Variants in SERPINB11 observed in about 807,000 individuals in gnomAD.
SERPINB11 encodes the protein serpin B11.
SERPINB11 carries 32 observed loss-of-function variants against 36.7 expected under a neutral mutation model. The ratio of observed to expected loss-of-function variants is 0.87; its 90% CI spans 0.66 to 1.17. SERPINB11 has a LOEUF of 1.17. Among genes scored for constraint, SERPINB11 ranks in the 50% most tolerant of loss-of-function variants. SERPINB11 has a pLI of 0.00. For missense variants in SERPINB11, 528 were observed against 458.4 expected (o/e 1.15, Z -1.39); for synonymous variants, 174 against 168.1 (o/e 1.04, Z -0.27).
At chr18:63,711,559 A>G (rs1914527859) in intron 3 of SERPINB11, among the ~76,000 whole-genome samples, 165 bp downstream of exon 3, 1 of 152,204 alleles carries the variant, frequency 6.6e-6, no homozygotes, top group Non-Finnish European at 1.5e-5. Context: ...AGAGTTTAAT[A>G]TAATAATGAT....
At position 63,723,415 on chromosome 18, in the gene SERPINB11, C is replaced by A; in HGVS notation, c.*16C>A. On this transcript the variant is annotated 3_prime_UTR_variant, in exon 8 of 8. Coordinates refer to ENST00000544088, the MANE Select transcript of SERPINB11 (RefSeq NM_001370475.1). Reference sequence around the variant, plus strand: ...CTCTCCCTAATCAGATGGGGTTGAGCAAGGCTCAGAGTTGCAGATGAGGTG... The same window carrying A: ...CTCTCCCTAATCAGATGGGGTTGAGAAAGGCTCAGAGTTGCAGATGAGGTG... 1 of 1,579,640 alleles carries A rather than the reference C, an allele frequency of 6.3e-7. No homozygotes were observed. Among genetic ancestry groups the A allele is most frequent in the Non-Finnish European group, 8.6e-7 (1 of 1,160,848 alleles).
intron 1 of SERPINB11, among the ~76,000 whole-genome samples, chr18:63,704,521 G>A (rs1914321045): frequency 6.6e-6 from 1 of 152,188 alleles, no homozygotes; most frequent in Non-Finnish European, 1.5e-5. Flanking sequence ...TTGATATTTA[G>A]CATGTCTATT....
intron 4 of SERPINB11, among the ~76,000 whole-genome samples, chr18:63,714,119 G>T (rs527370823): frequency 7.9e-5 from 12 of 152,262 alleles, no homozygotes; most frequent in African/African-American, 2.9e-4. Context: ...TAAAGGGAAA[G>T]AGTACAACAG....
intron 1 of SERPINB11, among the ~76,000 whole-genome samples, chr18:63,707,906 T>C (rs1476745251): frequency 6.6e-6 from 1 of 152,154 alleles, no homozygotes; most frequent in Non-Finnish European, 1.5e-5. Context: ...GTATGTGCTA[T>C]GGTAATGGAA....
At position 63,723,530 on chromosome 18, in the gene SERPINB11, T is replaced by C. The variant is rs10460122; in HGVS notation, c.*131T>C. On this transcript the variant is annotated 3_prime_UTR_variant, in exon 8 of 8. Coordinates refer to ENST00000544088, the MANE Select transcript of SERPINB11 (RefSeq NM_001370475.1). Reference sequence around the variant, plus strand: ...TCAGTTTGCTCATCTGCAAAATAGGTCTAGGATTTCTTCCAACCATTTCAT... The same window carrying C: ...TCAGTTTGCTCATCTGCAAAATAGGCCTAGGATTTCTTCCAACCATTTCAT... 18 of 765,648 alleles carry C rather than the reference T, an allele frequency of 2.4e-5. No individual in the cohort carries two copies. The East Asian group carries it at 4.6e-4, about 20-fold the overall frequency. 47.4% of individuals were successfully genotyped at this position (765,648 alleles called of 1,614,324 possible). A position where few individuals can be genotyped will look rare whatever the true frequency, so the allele number is the denominator to read the frequency against.
Position 63,716,073 on chromosome 18 carries a change from G to T in SERPINB11, c.396G>T (p.Arg132Ser), listed in dbSNP as rs368482014. ...GTTCTGAGAAATGGTATCAAGCCAG[G>T]TTGCAAACTGTGGATTTTGAACAGT... ...LSCSEKWYQARLQTVDFEQST... is the reference protein window; with the variant it reads ...LSCSEKWYQASLQTVDFEQST... The change falls in exon 5 of 8, where the codon AGG becomes AGT. Residue 132 changes from arginine to serine, a missense_variant. Arg to Ser is a moderately radical substitution (Grantham distance 110, BLOSUM62 -1). Transcript: ENST00000544088. 1 of 1,612,050 alleles carries T rather than the reference G, an allele frequency of 6.2e-7. No homozygotes were observed. Among genetic ancestry groups the T allele is most frequent in the Non-Finnish European group, 8.5e-7 (1 of 1,178,910 alleles).
At chr18:63,709,185 T>C (rs1321020078) in intron 1 of SERPINB11, among the ~76,000 whole-genome samples, 2 of 152,250 alleles carry the variant, frequency 1.3e-5, no homozygotes, top group African/African-American at 4.8e-5. Context: ...TTTCCATTTC[T>C]ATTTTCATAA....
intron 1 of SERPINB11, among the ~76,000 whole-genome samples, chr18:63,703,348 T>G (rs1914288931): frequency 6.6e-6 from 1 of 152,234 alleles, no homozygotes; most frequent in Non-Finnish European, 1.5e-5. Flanking sequence ...TTGACACACT[T>G]CTTAGCTCCT....
chr18:63,720,478 A>AT (rs554786280), intron 6 of SERPINB11: 1,592 of 317,250 alleles, frequency 5.0e-3, no homozygotes, highest in Middle Eastern at 7.3e-3. Flanking sequence ...TATCTGTGTT[A>AT]TTTTTTTTTC....
At chr18:63,711,513 C>T in intron 3 of SERPINB11, 119 bp downstream of exon 3, 2 of 693,254 alleles carry the variant, frequency 2.9e-6, no homozygotes, top group East Asian at 5.0e-5. Context: ...AGCTATGTGT[C>T]CCCCTTTAAC....
At chr18:63,713,584 T>C (rs1914585238) in intron 4 of SERPINB11, among the ~76,000 whole-genome samples, 1 of 152,188 alleles carries the variant, frequency 6.6e-6, no homozygotes, top group African/African-American at 2.4e-5. Flanking sequence ...GGATAACCTA[T>C]GTGATGAGCT....
intron 1 of SERPINB11, among the ~76,000 whole-genome samples, chr18:63,709,322 T>A (rs1278362907): frequency 6.6e-6 from 1 of 152,138 alleles, no homozygotes; most frequent in African/African-American, 2.4e-5. Context: ...GATAAAAATG[T>A]GCTGGAAGTG....
At chr18:63,706,115 T>G (rs1914366314) in intron 1 of SERPINB11, among the ~76,000 whole-genome samples, 1 of 152,208 alleles carries the variant, frequency 6.6e-6, no homozygotes, top group African/African-American at 2.4e-5. Flanking sequence ...GTATAACTAC[T>G]GGGTCCTATT....
intron 1 of SERPINB11, among the ~76,000 whole-genome samples, chr18:63,703,390 T>G (rs1914290257): frequency 6.6e-6 from 1 of 152,254 alleles, no homozygotes; most frequent in Non-Finnish European, 1.5e-5. Flanking sequence ...GCTAGCCTTA[T>G]TAATTGCTAT....
At chr18:63,708,794 C>A (rs1914439108) in intron 1 of SERPINB11, among the ~76,000 whole-genome samples, 1 of 152,082 alleles carries the variant, frequency 6.6e-6, no homozygotes, top group African/African-American at 2.4e-5. Context: ...ATGAGATCAC[C>A]CAGGGTATGA....
chr18:63,706,400 A>T (rs552349035), intron 1 of SERPINB11, among the ~76,000 whole-genome samples: 4 of 152,210 alleles, frequency 2.6e-5, no homozygotes, highest in Non-Finnish European at 5.9e-5. Flanking sequence ...ATACGTACTG[A>T]CTGGAAATAA....
intron 7 of SERPINB11, among the ~76,000 whole-genome samples, chr18:63,721,281 T>C (rs1914806534): frequency 1.3e-5 from 2 of 152,228 alleles, no homozygotes; most frequent in African/African-American, 4.8e-5. Context: ...GGGGGACATC[T>C]TTCTATAGTA....
Position 63,712,667 on chromosome 18 carries a change from G to A in SERPINB11, c.331G>A (p.Gly111Arg), listed in dbSNP as rs775575015. The change falls in exon 4 of 8, where the codon GGG becomes AGG. Residue 111 changes from glycine to arginine, a missense_variant. Gly to Arg is a moderately radical substitution (Grantham distance 125). Coordinates refer to ENST00000544088, the MANE Select transcript of SERPINB11 (RefSeq NM_001370475.1). ...CCTCAGCATTGCCAACAGGCTCTAC[G>A]GGACAAAGACGATGGCATTTCATCA... ...CTLSIANRLY[G>R]TKTMAFHQQY... 62 of 1,613,588 alleles carry A rather than the reference G, an allele frequency of 3.8e-5. No individual in the cohort carries two copies. The highest frequency in any genetic ancestry group is 2.5e-4 in the South Asian group (23 of 91,058).
chr18:63,715,581 TGAG>T (rs1346965936), intron 4 of SERPINB11, among the ~76,000 whole-genome samples: 2 of 152,188 alleles, frequency 1.3e-5, no homozygotes, highest in African/African-American at 4.8e-5. Flanking sequence ...TGGCAGCTTG[TGAG>T]GAGATTGATA....
Sources: gnomAD v4.1 joint callset for allele counts (sites outside exome capture counted in the v4.1 genomes callset) on GRCh38, gnomAD v4.1.1 for gene constraint, MANE v1.5 for transcripts, NCBI Gene and HGNC (gene_info 2026-07-23, HGNC 2026-07-21) for gene names.